Variants in RALGPS1 observed in about 807,000 individuals in gnomAD.
RALGPS1 encodes ras-specific guanine nucleotide-releasing factor RalGPS1.
A neutral mutation model predicts 78.8 loss-of-function variants in RALGPS1; 19 were observed. The observed-to-expected ratio is 0.24, with a 90% CI of 0.17 to 0.35. The LOEUF (loss-of-function observed/expected upper bound fraction) is 0.35. RALGPS1 is among the 10% of genes least tolerant of loss of function. The pLI is 1.00. For synonymous variants in RALGPS1, 228 were observed against 256.3 expected (o/e 0.89, Z 1.06); for missense variants, 454 against 688.3 (o/e 0.66, Z 3.81).
Position 127,050,118 on chromosome 9 carries a change from G to A in RALGPS1, c.376G>A (p.Val126Met). 6.2e-7 allele frequency: 1 copy of A among 1,612,814 alleles called. No homozygotes were observed. The change falls in exon 6 of 19, where the codon GTG becomes ATG. Residue 126 changes from valine (V) to methionine (M), a missense_variant. Transcript: ENST00000259351. ...AAGGGCAGAAATCCTCAGCCATTTT[G>A]TGAAAATAGCCAAGGTAAGCTTTTT... ...KIRAEILSHF[V>M]KIAKKLLELN...
chr9:126,915,439 GGGGCCCGGGTGGCTGCGGTACGGAAGCA>G (rs1267555803), intron 1 of RALGPS1: 6 of 152,640 alleles, frequency 3.9e-5, no homozygotes, highest in Non-Finnish European at 8.7e-5. Flanking sequence ...GGTGGGGGGC[GGGGCCCGGGTGGCTGCGGTACGGAAGCA>G]GGGCCCCAGG....
intron 8 of RALGPS1, chr9:127,108,235 G>C (rs773067095): frequency 1.9e-6 from 3 of 1,614,086 alleles, no homozygotes; most frequent in Admixed American, 1.7e-5. Flanking sequence ...CATGTCGGCT[G>C]TCTGGTTCAG....
chr9:127,175,647 T>A (rs1245685718), intron 11 of RALGPS1, among the ~76,000 whole-genome samples: 1 of 150,070 alleles, frequency 6.7e-6, no homozygotes, highest in South Asian at 2.1e-4. Flanking sequence ...ACTGCAGTCT[T>A]GGACAAGTGA....
intron 10 of RALGPS1, among the ~76,000 whole-genome samples, chr9:127,170,127 A>G (rs2059493303): frequency 6.6e-6 from 1 of 152,162 alleles, no homozygotes; most frequent in South Asian, 2.1e-4. Flanking sequence ...CATGGTCTTC[A>G]TCTAAGTTCG....
rs1033553814 is a variant in RALGPS1, at chr9:127,218,371, T to G, written c.1645-369T>G. Among the ~76,000 whole-genome samples, 2 of 152,180 alleles carry G rather than the reference T, an allele frequency of 1.3e-5. No homozygotes were observed. The highest frequency in any genetic ancestry group is 4.8e-5 in the African/African-American group (2 of 41,436). On this transcript the variant is annotated intron_variant, in intron 18 of 18. Transcript: ENST00000259351. This position sits in a 1 kb window ranked among gnomAD's most constrained non-coding sequence, Gnocchi z 4.4. ...TTGTCTCTCTGCCCCAAGCGCAGTT[T>G]GATTTTCACTGAAGGAGATAGGTTA...
At chr9:126,952,004 C>T (rs566843016) in intron 1 of RALGPS1, among the ~76,000 whole-genome samples, 136 of 152,310 alleles carry the variant, frequency 8.9e-4, no homozygotes, top group African/African-American at 3.2e-3. Flanking sequence ...ACAAAAATCA[C>T]AAGCATTCTT....
chr9:127,076,193 A>C (rs1321663861), intron 8 of RALGPS1, among the ~76,000 whole-genome samples: 1 of 152,246 alleles, frequency 6.6e-6, no homozygotes, highest in Non-Finnish European at 1.5e-5. Context: ...TAACAAAAGC[A>C]AGCAAAGAGC....
In RALGPS1 at chr9:127,091,728, A is replaced by G. The variant is rs549487293; in HGVS notation, c.610+22372A>G. ...TGAACTGCTTGCCGTTGTGCCATGT[A>G]AAGGAGTCACCCGCATTGCCATGGT... On this transcript the variant is annotated intron_variant, in intron 8 of 18. Coordinates refer to ENST00000259351, the MANE Select transcript of RALGPS1 (RefSeq NM_014636.3). The surrounding 1 kb of genome is among the most constrained non-coding windows in gnomAD (Gnocchi z 4.3). The G allele has an allele frequency of 3.5e-5, 57 of 1,614,036 alleles. No homozygotes were observed. The East Asian group carries it at 1.2e-3, about 35-fold the overall frequency.
chr9:127,136,293 C>T (rs1031076727), intron 8 of RALGPS1, among the ~76,000 whole-genome samples: 23 of 152,320 alleles, frequency 1.5e-4, no homozygotes, highest in Admixed American at 7.2e-4. Flanking sequence ...TTAGACCTGC[C>T]GGCACTGCCA....
At chr9:126,983,770 C>G (rs899153191) in intron 4 of RALGPS1, among the ~76,000 whole-genome samples, 6 of 152,098 alleles carry the variant, frequency 3.9e-5, no homozygotes, top group African/African-American at 1.4e-4. Context: ...AAATATTCTG[C>G]TTCTTCTTGG....
intron 8 of RALGPS1, chr9:127,108,740 C>T (rs751890933): frequency 6.3e-7 from 1 of 1,592,232 alleles, no homozygotes; most frequent in Non-Finnish European, 8.6e-7. Flanking sequence ...ATGGTCCTTG[C>T]AAAATGGTGG....
intron 14 of RALGPS1, among the ~76,000 whole-genome samples, 176 bp downstream of exon 14, chr9:127,199,242 G>A (rs2061493929): frequency 6.6e-6 from 1 of 152,154 alleles, no homozygotes; most frequent in Non-Finnish European, 1.5e-5. Context: ...TGGAAGAGCA[G>A]GATGGTTGCT....
chr9:127,156,535 A>C (rs1295184667), intron 8 of RALGPS1, among the ~76,000 whole-genome samples: 4 of 152,154 alleles, frequency 2.6e-5, no homozygotes, highest in Non-Finnish European at 5.9e-5. Context: ...CATCTTGGGA[A>C]TCTTTCACAT....
At chr9:127,152,416 A>G (rs1356943117) in intron 8 of RALGPS1, among the ~76,000 whole-genome samples, 1 of 152,238 alleles carries the variant, frequency 6.6e-6, no homozygotes, top group Non-Finnish European at 1.5e-5. Flanking sequence ...TTCTGGAAGT[A>G]GCAATCTACA....
intron 5 of RALGPS1, among the ~76,000 whole-genome samples, chr9:127,043,239 A>G (rs2047467784): frequency 6.6e-6 from 1 of 152,236 alleles, no homozygotes; most frequent in African/African-American, 2.4e-5. Flanking sequence ...ACAGTTATCA[A>G]GACAGCATGG....
intron 1 of RALGPS1, among the ~76,000 whole-genome samples, chr9:126,925,548 C>CA (rs970984681): frequency 1.9e-4 from 23 of 121,798 alleles, no homozygotes; most frequent in African/African-American, 4.5e-4. Context: ...GACTCTGTCT[C>CA]AAAAAAAAGA....
intron 11 of RALGPS1, chr9:127,178,158 G>A: frequency 1.6e-6 from 1 of 616,572 alleles, no homozygotes; most frequent in Non-Finnish European, 2.5e-6. Flanking sequence ...TGGGCAGGGA[G>A]GGGGAAGCAG....
chr9:126,967,988 G>A (rs2039694850), intron 3 of RALGPS1, among the ~76,000 whole-genome samples: 1 of 150,938 alleles, frequency 6.6e-6, no homozygotes, highest in African/African-American at 2.4e-5. Flanking sequence ...CGTATTGCCT[G>A]AAAGAGTTCA....
chr9:127,185,756 C>T (rs1278142362), intron 11 of RALGPS1, among the ~76,000 whole-genome samples: 1 of 152,194 alleles, frequency 6.6e-6, no homozygotes, highest in East Asian at 1.9e-4. Flanking sequence ...GGCTACTTCT[C>T]TCTCCCACAC....
Sources: gnomAD v4.1 joint callset for allele counts (sites outside exome capture counted in the v4.1 genomes callset) on GRCh38, gnomAD v4.1.1 for gene constraint, Gnocchi (gnomAD v3.1) non-coding constraint, MANE v1.5 for transcripts, NCBI Gene and HGNC (gene_info 2026-07-23, HGNC 2026-07-21) for gene names.